CSMD1: variants seen among roughly 807,000 people sequenced by gnomAD.
CSMD1 encodes CUB and Sushi multiple domains 1.
Under a neutral mutation model 417.5 loss-of-function variants are expected in CSMD1, and 213 were observed. The ratio of observed to expected loss-of-function variants is 0.51; its 90% CI spans 0.46 to 0.57. CSMD1 has a LOEUF of 0.57. Ranked by LOEUF, CSMD1 falls within the 20% of genes least tolerant of loss-of-function variation. The probability of loss-of-function intolerance (pLI) is 0.00; values close to 1 mark genes in which losing one functional copy is unlikely to be tolerated. For missense variants in CSMD1, 6,923 were observed against 4,529.7 expected (o/e 1.53, Z -15.17); for synonymous variants, 2,862 against 1,736.8 (o/e 1.65, Z -16.11).
chr8:3,246,046 C>T (rs1167369317), intron 26 of CSMD1, among the ~76,000 whole-genome samples: 2 of 152,272 alleles, frequency 1.3e-5, no homozygotes, highest in East Asian at 3.9e-4. Context: ...GCCCGAACTT[C>T]CTTCTTGTCT....
intron 1 of CSMD1, among the ~76,000 whole-genome samples, chr8:4,978,106 TG>T (rs1278995597): frequency 6.6e-6 from 1 of 152,200 alleles, no homozygotes; most frequent in Admixed American, 6.5e-5. Context: ...ACGTGAGTTC[TG>T]GGTAGCCTAT....
At chr8:3,157,112 G>A (rs1219756544) in intron 39 of CSMD1, among the ~76,000 whole-genome samples, 1 of 151,912 alleles carries the variant, frequency 6.6e-6, no homozygotes, top group Admixed American at 6.6e-5. Flanking sequence ...GGAGTGTCAA[G>A]TAACTGACCA....
At chr8:3,720,248 G>A (rs1350899215) in intron 6 of CSMD1, among the ~76,000 whole-genome samples, 1 of 152,082 alleles carries the variant, frequency 6.6e-6, no homozygotes, top group Non-Finnish European at 1.5e-5. Context: ...CACTTCCAAT[G>A]GAGAAATTGG....
Position 4,646,483 on chromosome 8 carries a change from T to C in CSMD1, c.86-8925A>G, listed in dbSNP as rs116657071. Among the ~76,000 whole-genome samples, 455 of 152,220 alleles carry C rather than the reference T, an allele frequency of 3.0e-3. 3 individuals carry two copies. Among genetic ancestry groups the C allele is most frequent in the African/African-American group, 0.01 (434 of 41,536 alleles). On this transcript the variant is annotated intron_variant, in intron 1 of 69. Coordinates refer to ENST00000635120, the MANE Select transcript of CSMD1 (RefSeq NM_033225.6). ...GTGCATTTAAACTCTGAGATGTAAA[T>C]TGATGTAGTTTAATTGGGATACTAT...
intron 2 of CSMD1, among the ~76,000 whole-genome samples, chr8:4,563,411 T>G (rs1298317615): frequency 6.6e-6 from 1 of 151,850 alleles, no homozygotes; most frequent in Non-Finnish European, 1.5e-5. Flanking sequence ...TACAAAATAA[T>G]AATAACAATA....
At chr8:3,553,723 A>G (rs1056802947) in intron 10 of CSMD1, among the ~76,000 whole-genome samples, 2 of 152,238 alleles carry the variant, frequency 1.3e-5, no homozygotes, top group African/African-American at 4.8e-5. Context: ...TGAAGACATT[A>G]AAATATGTGA....
intron 3 of CSMD1, among the ~76,000 whole-genome samples, chr8:4,085,010 T>A (rs1585280914): frequency 6.7e-6 from 1 of 149,852 alleles, no homozygotes; most frequent in Non-Finnish European, 1.5e-5. Flanking sequence ...GAATTTAGAT[T>A]TTTCCTTATG....
chr8:3,559,857 C>G (rs528301262), intron 10 of CSMD1, among the ~76,000 whole-genome samples: 1 of 152,014 alleles, frequency 6.6e-6, no homozygotes, highest in African/African-American at 2.4e-5. Context: ...CTAAGAGGCC[C>G]CTAGAGTGGA....
intron 5 of CSMD1, among the ~76,000 whole-genome samples, chr8:3,914,615 T>G (rs758543800): frequency 6.6e-6 from 1 of 152,176 alleles, no homozygotes; most frequent in African/African-American, 2.4e-5. Flanking sequence ...CAGCTAGCAT[T>G]AAATGAAACT....
At chr8:4,523,758 T>C (rs958287813) in intron 2 of CSMD1, among the ~76,000 whole-genome samples, 2 of 152,202 alleles carry the variant, frequency 1.3e-5, no homozygotes, top group African/African-American at 4.8e-5. Context: ...AAATAATGCA[T>C]ATTAAAATAA....
At chr8:3,300,216 G>C (rs898559723) in intron 25 of CSMD1, among the ~76,000 whole-genome samples, 1 of 151,678 alleles carries the variant, frequency 6.6e-6, no homozygotes, top group African/African-American at 2.4e-5. Context: ...GAATAACATG[G>C]CGTAAAAAAT....
intron 33 of CSMD1, among the ~76,000 whole-genome samples, chr8:3,198,323 T>A (rs989799970): frequency 6.6e-6 from 1 of 152,216 alleles, no homozygotes; most frequent in African/African-American, 2.4e-5. Context: ...GCAGCCCAGT[T>A]TCTTTACACA....
intron 1 of CSMD1, among the ~76,000 whole-genome samples, chr8:4,727,458 CT>C (rs1044353167): frequency 3.3e-5 from 5 of 152,090 alleles, no homozygotes; most frequent in Non-Finnish European, 7.4e-5. Context: ...TTCTAAAAGA[CT>C]GGGGAAAACA....
intron 5 of CSMD1, among the ~76,000 whole-genome samples, chr8:3,898,532 G>T (rs531552466): frequency 6.6e-6 from 1 of 152,256 alleles, no homozygotes; most frequent in Admixed American, 6.5e-5. Context: ...TCATATCTTT[G>T]GGTTGTCACA....
chr8:4,170,710 T>C (rs1377327292), intron 3 of CSMD1, among the ~76,000 whole-genome samples: 3 of 151,740 alleles, frequency 2.0e-5, no homozygotes, highest in Admixed American at 2.0e-4. Context: ...CTGATATAGC[T>C]AGCATGTGGA....
intron 5 of CSMD1, among the ~76,000 whole-genome samples, chr8:3,819,911 C>G (rs1167410770): frequency 6.6e-6 from 1 of 152,160 alleles, no homozygotes; most frequent in Non-Finnish European, 1.5e-5. Context: ...TAGAGGCAGA[C>G]TGGACAAGAC....
At chr8:4,479,772 C>T (rs1468503857) in intron 2 of CSMD1, among the ~76,000 whole-genome samples, 1 of 151,686 alleles carries the variant, frequency 6.6e-6, no homozygotes, top group Non-Finnish European at 1.5e-5. Flanking sequence ...TAATTCTCTA[C>T]TGAGAATTAG....
rs550272383 is a variant in CSMD1 at position 3,360,893 on chromosome 8, G to C, written c.3116-1553C>G. Among the ~76,000 whole-genome samples the C allele has an allele frequency of 4.8e-3, 713 of 148,158 alleles. 9 individuals are homozygous for C. The highest frequency in any genetic ancestry group is 0.017 in the African/African-American group (681 of 40,082). On this transcript the variant is annotated intron_variant, in intron 20 of 69. Coordinates refer to ENST00000635120, the MANE Select transcript of CSMD1 (RefSeq NM_033225.6). ...TAGTTTAGTTTTCATTATCTGCTGA[G>C]TTTGTCACTGAGATCTCATACCTGC...
chr8:3,945,190 A>AAC (rs1554494513), intron 5 of CSMD1, among the ~76,000 whole-genome samples: 2 of 151,852 alleles, frequency 1.3e-5, no homozygotes, highest in African/African-American at 4.8e-5. Flanking sequence ...AAAAAAAAAA[A>AAC]AAAAAAACAG....
Sources: allele counts gnomAD v4.1 joint callset (sites outside exome capture counted in the v4.1 genomes callset), GRCh38; gene constraint gnomAD v4.1.1; transcripts MANE v1.5; gene names NCBI Gene and HGNC (gene_info 2026-07-23, HGNC 2026-07-21).